The following DGKB variants were observed in gnomAD, a reference collection of about 807,000 sequenced individuals.
DGKB encodes diacylglycerol kinase beta, also known as 90 kDa diacylglycerol kinase.
A neutral mutation model predicts 114.3 loss-of-function variants in DGKB; 67 were observed. The ratio of observed to expected loss-of-function variants is 0.59; its 90% CI spans 0.48 to 0.72. The LOEUF (loss-of-function observed/expected upper bound fraction) is 0.72. Ranked by LOEUF, DGKB falls within the 30% of genes least tolerant of loss-of-function variation. DGKB has a pLI of 0.00. For missense variants in DGKB, 907 were observed against 975.2 expected (o/e 0.93, Z 0.93); for synonymous variants, 398 against 323.1 (o/e 1.23, Z -2.49).
chr7:14,787,145 C>G (rs1432844867), intron 2 of DGKB, among the ~76,000 whole-genome samples: 1 of 152,156 alleles, frequency 6.6e-6, no homozygotes, highest in African/African-American at 2.4e-5. Flanking sequence ...TATCTGCACA[C>G]CTCATTCTTC....
intron 4 of DGKB, among the ~76,000 whole-genome samples, chr7:14,749,714 G>A (rs978792736): frequency 6.6e-6 from 1 of 152,116 alleles, no homozygotes; most frequent in Admixed American, 6.6e-5. Flanking sequence ...GGACAGGAGT[G>A]AGTGTTACTG....
chr7:14,961,378 C>T lies in DGKB; in HGVS notation c.-188+13318G>A, dbSNP rs1786835074. Among the ~76,000 whole-genome samples the T allele has an allele frequency of 2.0e-5, 3 of 152,016 alleles. No homozygotes were observed. In the South Asian group the frequency reaches 6.2e-4, roughly 32 times the overall value. On this transcript the variant is annotated intron_variant, in intron 1 of 4. Coordinates refer to the DGKB transcript ENST00000437998. ...TAACCAAACCTTTCTAATTTAAGCA[C>T]ATATAATTTAGGATTTTATTAAAGG...
Position 14,181,810 on chromosome 7 carries a change from G to A in DGKB, c.2123-3659C>T, listed in dbSNP as rs540153701. 4.6e-5 allele frequency among the ~76,000 whole-genome samples: 7 copies of A among 152,244 alleles called. No individual in the cohort carries two copies. The East Asian group carries it at 1.4e-3, about 29-fold the overall frequency. On this transcript the variant is annotated intron_variant, in intron 23 of 25. Coordinates refer to ENST00000402815, the MANE Select transcript of DGKB (RefSeq NM_001350709.2). ...ATACTTTTGAAGGAAAACAAAGTAC[G>A]TTTCTGAAAGCATTTATATGTCTTT...
intron 23 of DGKB, among the ~76,000 whole-genome samples, chr7:14,276,495 TAAGAG>T (rs1162376501): frequency 1.3e-5 from 2 of 152,080 alleles, no homozygotes; most frequent in East Asian, 1.9e-4. Context: ...CCAGAGTACA[TAAGAG>T]AAAATTTTTG....
intron 23 of DGKB, among the ~76,000 whole-genome samples, chr7:14,291,645 TC>T (rs1206670497): frequency 6.6e-6 from 1 of 152,202 alleles, no homozygotes; most frequent in Non-Finnish European, 1.5e-5. Flanking sequence ...GGAAAATTTT[TC>T]AATGTAATCA....
intron 18 of DGKB, among the ~76,000 whole-genome samples, chr7:14,582,282 C>G (rs1354001568): frequency 1.3e-5 from 2 of 152,140 alleles, no homozygotes; most frequent in East Asian, 3.9e-4. Context: ...GTAACCAGTT[C>G]CAACAACTGA....
intron 7 of DGKB, 113 bp downstream of exon 7, chr7:14,701,568 G>C (rs748342760): frequency 1.4e-6 from 1 of 737,428 alleles, no homozygotes; most frequent in Admixed American, 2.3e-5. Flanking sequence ...CATATGAGTG[G>C]ATGTAAATTA....
intron 23 of DGKB, among the ~76,000 whole-genome samples, chr7:14,327,723 T>G (rs1324788555): frequency 6.6e-6 from 1 of 152,108 alleles, no homozygotes. Context: ...ATTCTGATAC[T>G]GCACTCGTGG....
intron 23 of DGKB, among the ~76,000 whole-genome samples, chr7:14,249,069 T>G (rs1584720106): frequency 6.6e-6 from 1 of 151,004 alleles, no homozygotes; most frequent in East Asian, 1.9e-4. Flanking sequence ...TTAATTCTTT[T>G]TCACATGTTT....
At chr7:14,512,503 G>T (rs1309424621) in intron 20 of DGKB, among the ~76,000 whole-genome samples, 1 of 152,038 alleles carries the variant, frequency 6.6e-6, no homozygotes, top group Non-Finnish European at 1.5e-5. Flanking sequence ...TCATTAGCTT[G>T]CTGGAATGCT....
intron 23 of DGKB, among the ~76,000 whole-genome samples, chr7:14,305,032 G>C (rs1211386077): frequency 6.6e-6 from 1 of 151,996 alleles, no homozygotes; most frequent in Non-Finnish European, 1.5e-5. Context: ...ACATTTATGA[G>C]GTACATATGA....
At chr7:14,895,724 AG>A (rs1159032285) in intron 1 of DGKB, among the ~76,000 whole-genome samples, 1 of 151,624 alleles carries the variant, frequency 6.6e-6, no homozygotes, top group Non-Finnish European at 1.5e-5. Context: ...CCGTGGTATA[AG>A]TAAGTACTTC....
rs997102742 is a variant in DGKB at position 14,356,352 on chromosome 7, C to CTTTTTTTTTTTTT, written c.1836-10974_1836-10962dup. Among the ~76,000 whole-genome samples, 6 of 77,224 alleles carry CTTTTTTTTTTTTT rather than the reference C, an allele frequency of 7.8e-5. 1 individual carries two copies. Among genetic ancestry groups the CTTTTTTTTTTTTT allele is most frequent in the African/African-American group, 2.6e-4 (5 of 19,090 alleles). The allele number at this position is 77,224 out of a possible 152,430, so 50.7% of individuals were successfully genotyped here. ...TTTGTTTGCTCTTGCTTCTCTAGTT[C>CTTTTTTTTTTTTT]TTTTTTTTTTTTTTTTTTTTTTTTT... On this transcript the variant is annotated intron_variant, in intron 21 of 25. Transcript: ENST00000402815.
chr7:14,395,277 G>T (rs976916432), intron 21 of DGKB, among the ~76,000 whole-genome samples: 1 of 151,856 alleles, frequency 6.6e-6, no homozygotes, highest in African/African-American at 2.4e-5. Context: ...GAAATATTTT[G>T]ACTAGTATCT....
intron 23 of DGKB, among the ~76,000 whole-genome samples, chr7:14,319,125 T>C (rs1294371386): frequency 1.7e-5 from 2 of 118,030 alleles, no homozygotes; most frequent in African/African-American, 6.5e-5. Flanking sequence ...CATCACACTC[T>C]GGGGACTGTT....
chr7:14,880,979 G>A (rs996309850), intron 1 of DGKB, among the ~76,000 whole-genome samples: 1 of 151,884 alleles, frequency 6.6e-6, no homozygotes, highest in East Asian at 1.9e-4. Flanking sequence ...CTATTTTATT[G>A]AATAAATAAA....
At chr7:14,570,213 A>G (rs1328538167) in intron 20 of DGKB, among the ~76,000 whole-genome samples, 2 of 151,752 alleles carry the variant, frequency 1.3e-5, no homozygotes, top group Non-Finnish European at 2.9e-5. Context: ...CAATTTTTCA[A>G]TAGGTCTGAT....
At chr7:14,566,795 T>C (rs1189251255) in intron 20 of DGKB, among the ~76,000 whole-genome samples, 1 of 151,994 alleles carries the variant, frequency 6.6e-6, no homozygotes, top group Non-Finnish European at 1.5e-5. Flanking sequence ...GTCTTTCACA[T>C]ACAGTTATAC....
At chr7:14,655,526 G>A (rs1362692705) in intron 13 of DGKB, among the ~76,000 whole-genome samples, 1 of 151,640 alleles carries the variant, frequency 6.6e-6, no homozygotes, top group Non-Finnish European at 1.5e-5. Context: ...CAGCAATCCT[G>A]TTATTGGGTA....
Sources: gnomAD v4.1 joint callset for allele counts (sites outside exome capture counted in the v4.1 genomes callset) on GRCh38, gnomAD v4.1.1 for gene constraint, MANE v1.5 for transcripts, NCBI Gene and HGNC (gene_info 2026-07-23, HGNC 2026-07-21) for gene names.